The following HPSE2 variants were observed in gnomAD, a reference collection of about 807,000 sequenced individuals.
HPSE2 encodes the protein heparanase 2 (inactive), also known as inactive heparanase-2.
HPSE2 carries 38 observed loss-of-function variants against 60.5 expected under a neutral mutation model. That is an observed-to-expected ratio of 0.63 (90% CI 0.48 to 0.82). The LOEUF is 0.82. Among genes scored for constraint, HPSE2 ranks in the 40% least tolerant of loss-of-function variants. The pLI is 0.00. For synonymous variants in HPSE2, 295 were observed against 293.2 expected (o/e 1.01, Z -0.06); for missense variants, 713 against 740.4 (o/e 0.96, Z 0.43).
chr10:98,971,272 A>T (rs1347862636), intron 3 of HPSE2, among the ~76,000 whole-genome samples: 2 of 152,218 alleles, frequency 1.3e-5, no homozygotes, highest in Non-Finnish European at 1.5e-5. Flanking sequence ...TGGATTTTTT[A>T]AAAAATTCTG....
rs537243639 is a variant in HPSE2, at chr10:98,875,419, A to C, written c.611-131363T>G. Among the ~76,000 whole-genome samples the C allele has an allele frequency of 4.6e-5, 7 of 152,240 alleles. No homozygotes were observed. In the East Asian group the frequency reaches 1.4e-3, roughly 29 times the overall value. On this transcript the variant is annotated intron_variant, in intron 3 of 11. Transcript: ENST00000370552. ...AATACCTCTACGCAAATAAACTAGA[A>C]AATCTAGAAGAAATTGATAAATTCC...
intron 3 of HPSE2, among the ~76,000 whole-genome samples, chr10:98,819,595 C>G (rs898869918): frequency 5.3e-5 from 8 of 152,114 alleles, no homozygotes; most frequent in African/African-American, 1.2e-4. Context: ...CTTCAACACT[C>G]TTGCCTACTT....
chr10:98,713,818 A>G (rs1948730416), intron 5 of HPSE2, among the ~76,000 whole-genome samples: 1 of 151,980 alleles, frequency 6.6e-6, no homozygotes, highest in South Asian at 2.1e-4. Flanking sequence ...CCAAGAGTCA[A>G]GCAAATTCCA....
intron 3 of HPSE2, among the ~76,000 whole-genome samples, chr10:98,891,233 T>C (rs1171644788): frequency 6.6e-6 from 1 of 152,132 alleles, no homozygotes; most frequent in Non-Finnish European, 1.5e-5. Flanking sequence ...AAAAACCATT[T>C]GAATAGCAAG....
At chr10:98,724,131 T>A (rs112784024) in intron 4 of HPSE2, among the ~76,000 whole-genome samples, 6 of 152,080 alleles carry the variant, frequency 3.9e-5, no homozygotes, top group Non-Finnish European at 4.4e-5. Context: ...TACACACTGC[T>A]TTGAATGTGT....
intron 3 of HPSE2, among the ~76,000 whole-genome samples, chr10:98,916,640 T>C (rs1954126542): frequency 6.6e-6 from 1 of 152,234 alleles, no homozygotes; most frequent in Non-Finnish European, 1.5e-5. Context: ...CTTCAAACAG[T>C]TTCTGGTTCT....
chr10:99,055,802 T>A (rs1214882476), intron 3 of HPSE2, among the ~76,000 whole-genome samples: 1 of 152,066 alleles, frequency 6.6e-6, no homozygotes, highest in Non-Finnish European at 1.5e-5. Flanking sequence ...GTATCAAAAT[T>A]TGTGGGATGC....
At chr10:99,055,674 CTAGA>C (rs1958096307) in intron 3 of HPSE2, among the ~76,000 whole-genome samples, 1 of 152,066 alleles carries the variant, frequency 6.6e-6, no homozygotes, top group Non-Finnish European at 1.5e-5. Context: ...ACTGAGATAT[CTAGA>C]TAATCTCCTA....
chr10:99,306,869 C>G, the HPSE2 span, among the ~76,000 whole-genome samples: 1 of 152,122 alleles, frequency 6.6e-6, no homozygotes, highest in Non-Finnish European at 1.5e-5. Context: ...CGGCACCATG[C>G]CCAGCTAATT....
At chr10:98,710,179 A>G (rs561592946) in intron 5 of HPSE2, among the ~76,000 whole-genome samples, 2 of 152,244 alleles carry the variant, frequency 1.3e-5, no homozygotes, top group South Asian at 2.1e-4. Context: ...ATGGTTAATT[A>G]TATGTCGAGC....
At chr10:98,898,676 AT>A (rs571378800) in intron 3 of HPSE2, among the ~76,000 whole-genome samples, 252 of 152,322 alleles carry the variant, frequency 1.7e-3, no homozygotes, top group Non-Finnish European at 3.1e-3. Context: ...TGACAAAAAA[AT>A]AAAACAGCAC....
chr10:98,862,854 C>T (rs1021364526), intron 3 of HPSE2, among the ~76,000 whole-genome samples: 5 of 152,104 alleles, frequency 3.3e-5, no homozygotes, highest in Admixed American at 6.5e-5. Context: ...CTTGAACTTC[C>T]GGCTCAAGCA....
At chr10:99,235,394 T>C in intron 1 of HPSE2, 119 bp downstream of exon 1, 1 of 959,972 alleles carries the variant, frequency 1.0e-6, no homozygotes, top group Non-Finnish European at 1.7e-6. Context: ...CCTCTTTTCT[T>C]CTCTTTGAGA....
intron 2 of HPSE2, among the ~76,000 whole-genome samples, chr10:99,154,919 A>C (rs1846468305): frequency 6.6e-6 from 1 of 151,982 alleles, no homozygotes; most frequent in Admixed American, 6.6e-5. Context: ...TCTACCAAGC[A>C]AATGGAAAAC....
At position 99,067,039 on chromosome 10, in the gene HPSE2, G is replaced by A. The variant is rs72838823; in HGVS notation, c.610+77199C>T. Among the ~76,000 whole-genome samples the A allele has an allele frequency of 1.7e-3, 259 of 152,274 alleles. 1 individual carries two copies. The highest frequency in any genetic ancestry group is 4.9e-3 in the Admixed American group (75 of 15,296). On this transcript the variant is annotated intron_variant, in intron 3 of 11. Transcript: ENST00000370552. ...AACTGGCCAAAACGAAGGAGCTATA[G>A]ACCCTATGCAAATCCAAAATCCAAT...
chr10:98,706,351 C>T (rs757498332), intron 5 of HPSE2, among the ~76,000 whole-genome samples: 3 of 152,180 alleles, frequency 2.0e-5, no homozygotes, highest in Admixed American at 6.6e-5. Flanking sequence ...TGTTAGCTTC[C>T]TCTCACAGAC....
chr10:98,499,543 G>T (rs1414272411), intron 9 of HPSE2, among the ~76,000 whole-genome samples: 2 of 152,088 alleles, frequency 1.3e-5, no homozygotes, highest in Admixed American at 6.5e-5. Flanking sequence ...CATCAAAACA[G>T]AACCTCTTTA....
intron 9 of HPSE2, among the ~76,000 whole-genome samples, chr10:98,555,782 C>A (rs973507276): frequency 6.6e-6 from 1 of 152,056 alleles, no homozygotes; most frequent in Non-Finnish European, 1.5e-5. Context: ...CTTTCGAAAC[C>A]AATTTGACAA....
chr10:98,712,955 A>G (rs1230584276), intron 5 of HPSE2, among the ~76,000 whole-genome samples: 1 of 152,144 alleles, frequency 6.6e-6, no homozygotes, highest in Non-Finnish European at 1.5e-5. Flanking sequence ...TAATCTATAA[A>G]GGACAAGCAA....
Sources: allele counts gnomAD v4.1 joint callset (sites outside exome capture counted in the v4.1 genomes callset), GRCh38; gene constraint gnomAD v4.1.1; transcripts MANE v1.5; gene names NCBI Gene and HGNC (gene_info 2026-07-23, HGNC 2026-07-21).